CILK1: variants seen among roughly 807,000 people sequenced by gnomAD.
The protein encoded by CILK1 is ciliogenesis associated kinase 1.
CILK1 carries 47 observed loss-of-function variants against 79.2 expected under a neutral mutation model. The observed-to-expected ratio is 0.59, with a 90% CI of 0.47 to 0.76. CILK1 has a LOEUF of 0.76. Among genes scored for constraint, CILK1 ranks in the 30% least tolerant of loss-of-function variants. CILK1 has a pLI of 0.00. For missense variants in CILK1, 660 were observed against 769.5 expected (o/e 0.86, Z 1.68); for synonymous variants, 266 against 275.9 (o/e 0.96, Z 0.36).
In CILK1 at chr6:53,003,310, G is replaced by T; in HGVS notation, c.*1839C>A. On this transcript the variant is annotated 3_prime_UTR_variant, in exon 14 of 14. Coordinates refer to ENST00000676107, the MANE Select transcript of CILK1 (RefSeq NM_014920.5). Reference sequence around the variant, plus strand: ...TAAATTACTCTCCGATTTTAGGTTAGGGCCCTTTGGAAGCCATGGTTATTT... The same window carrying T: ...TAAATTACTCTCCGATTTTAGGTTATGGCCCTTTGGAAGCCATGGTTATTT... The T allele has an allele frequency of 6.6e-6, 1 of 152,408 alleles. No homozygotes were observed. The allele number at this position is 152,408 out of a possible 1,614,324, so 9.4% of individuals were successfully genotyped here. A position where few individuals can be genotyped will look rare whatever the true frequency, so the allele number is the denominator to read the frequency against.
At chr6:53,021,349 G>C (rs1055204774) in intron 5 of CILK1, among the ~76,000 whole-genome samples, 1 of 151,124 alleles carries the variant, frequency 6.6e-6, no homozygotes, top group Non-Finnish European at 1.5e-5. Flanking sequence ...GGGTTGGGGG[G>C]GTAAATCTCA....
At chr6:53,011,024 G>T (rs1465978167) in intron 11 of CILK1, among the ~76,000 whole-genome samples, 1 of 152,214 alleles carries the variant, frequency 6.6e-6, no homozygotes, top group Non-Finnish European at 1.5e-5. Flanking sequence ...TGTACTGAAT[G>T]AATGATTCAC....
chr6:53,012,209 C>G lies in CILK1; in HGVS notation c.1171G>C (p.Glu391Gln). The stretch of plus-strand genomic sequence containing the variant: ...GGCTTTATCTCACCATTTTTGTGCT[C>G]CAGGCCAGCTGTGATTTTCTGTGTA... ...HPQSKITAGL[E>Q]HKNGEIKPKS... The change falls in exon 10 of 14, where the codon GAG (glutamate) becomes CAG (glutamine). Residue 391 changes from glutamate (E) to glutamine (Q), a missense_variant. Transcript: ENST00000676107. The G allele has an allele frequency of 6.2e-7, 1 of 1,614,128 alleles. No homozygotes were observed. The highest frequency in any genetic ancestry group is 8.5e-7 in the Non-Finnish European group (1 of 1,180,022).
At chr6:53,031,229 C>A in intron 4 of CILK1, 85 bp from the exon 5 acceptor site, 1 of 862,898 alleles carries the variant, frequency 1.2e-6, no homozygotes, top group Non-Finnish European at 2.0e-6. Flanking sequence ...TTTGTCCATA[C>A]AGGGGAGCTA....
chr6:53,013,813 G>A lies in CILK1; in HGVS notation c.1001C>T (p.Ser334Phe). The A allele has an allele frequency of 6.2e-7, 1 of 1,613,890 alleles. No individual in the cohort carries two copies. The highest frequency in any genetic ancestry group is 8.5e-7 in the Non-Finnish European group (1 of 1,179,810). Residue 334 changes from serine (S) to phenylalanine (F), a missense_variant, in exon 9 of 14, where the codon TCT (serine) becomes TTT (phenylalanine). Coordinates refer to ENST00000676107, the MANE Select transcript of CILK1 (RefSeq NM_014920.5). ...CTGGCTGGCTTGATGCTGTCGTGAA[G>A]AAATTCGTGTGTGTGGCTTGGCTGG... ...QPPAKPHTRI[S>F]SRQHQASQPP...
At chr6:53,031,211 G>A in intron 4 of CILK1, 67 bp from the exon 5 acceptor site, 1 of 990,800 alleles carries the variant, frequency 1.0e-6, no homozygotes, top group Non-Finnish European at 1.6e-6. Context: ...AAATACTAAA[G>A]AATACCATTT....
At chr6:53,029,964 G>A (rs943849246) in intron 5 of CILK1, among the ~76,000 whole-genome samples, 7 of 152,156 alleles carry the variant, frequency 4.6e-5, no homozygotes, top group African/African-American at 9.7e-5. Flanking sequence ...TCCATCTGGT[G>A]GCTCTGTGCT....
intron 1 of CILK1, chr6:53,057,876 C>T (rs1221471789): frequency 6.6e-6 from 1 of 152,134 alleles, no homozygotes. Flanking sequence ...AAATGTTCCC[C>T]ACGTGCTCCT....
intron 5 of CILK1, among the ~76,000 whole-genome samples, chr6:53,026,447 C>G (rs1160076529): frequency 6.6e-6 from 1 of 152,178 alleles, no homozygotes; most frequent in Non-Finnish European, 1.5e-5. Flanking sequence ...CTGCGCCCAG[C>G]CTATAAAGCT....
chr6:53,060,715 A>C (rs1215182716), intron 1 of CILK1, among the ~76,000 whole-genome samples: 1 of 152,254 alleles, frequency 6.6e-6, no homozygotes, highest in East Asian at 1.9e-4. Flanking sequence ...ATTGAGACAC[A>C]AATTCTTCTT....
intron 5 of CILK1, among the ~76,000 whole-genome samples, chr6:53,025,791 G>A (rs1462239959): frequency 6.6e-6 from 1 of 152,130 alleles, no homozygotes; most frequent in East Asian, 1.9e-4. Context: ...TATATCTGTA[G>A]ACTATCTAGC....
intron 9 of CILK1, 110 bp from the exon 10 acceptor site, chr6:53,012,337 A>G (rs1562006181): frequency 1.1e-6 from 1 of 944,328 alleles, no homozygotes; most frequent in Non-Finnish European, 1.7e-6. Context: ...CTCCTGGGGC[A>G]TAACATTGCT....
intron 1 of CILK1, among the ~76,000 whole-genome samples, chr6:53,047,466 T>G (rs930156969): frequency 7.1e-6 from 1 of 141,780 alleles, no homozygotes; most frequent in Non-Finnish European, 1.5e-5. Context: ...CTACCAGGCT[T>G]TTTTTTTTTT....
At chr6:53,033,297 G>A (rs995662496) in intron 3 of CILK1, among the ~76,000 whole-genome samples, 1 of 152,170 alleles carries the variant, frequency 6.6e-6, no homozygotes, top group African/African-American at 2.4e-5. Flanking sequence ...CAGTGGATGA[G>A]GAATGAGAGG....
intron 5 of CILK1, among the ~76,000 whole-genome samples, chr6:53,020,688 C>T (rs1581701326): frequency 6.6e-6 from 1 of 152,132 alleles, no homozygotes. Context: ...GATACTCAAT[C>T]TGTATCAATG....
chr6:53,046,220 C>T (rs1230852995), intron 1 of CILK1, among the ~76,000 whole-genome samples: 2 of 152,180 alleles, frequency 1.3e-5, no homozygotes, highest in Non-Finnish European at 2.9e-5. Context: ...ACACATTTCT[C>T]CATCTCCTTG....
rs1462440974 is a variant in CILK1 at position 53,022,155 on chromosome 6, TAA to T, written c.359-2798_359-2797del. ...AAGAGTCAAAAAGTTAAAAAAAGTA[TAA>T]GTTTATGAAATAAAAAGTTTCAGCA... On this transcript the variant is annotated intron_variant, in intron 5 of 13. Transcript: ENST00000676107. Among the ~76,000 whole-genome samples the T allele has an allele frequency of 3.3e-5, 5 of 152,264 alleles. No homozygotes were observed. The East Asian group carries it at 9.6e-4, about 29-fold the overall frequency.
At chr6:53,021,046 C>T (rs977092542) in intron 5 of CILK1, among the ~76,000 whole-genome samples, 4 of 152,174 alleles carry the variant, frequency 2.6e-5, no homozygotes, top group South Asian at 2.1e-4. Flanking sequence ...ATCAGCTAGG[C>T]GCGGTGGCTC....
At chr6:53,021,343 TG>T (rs200026789) in intron 5 of CILK1, among the ~76,000 whole-genome samples, 8 of 77,092 alleles carry the variant, frequency 1.0e-4, no homozygotes, top group East Asian at 4.3e-4. Context: ...GCGGGGGGGT[TG>T]GGGGGGTAAA....
Sources: allele counts gnomAD v4.1 joint callset (sites outside exome capture counted in the v4.1 genomes callset), GRCh38; gene constraint gnomAD v4.1.1; transcripts MANE v1.5; gene names NCBI Gene and HGNC (gene_info 2026-07-23, HGNC 2026-07-21).